PIKFYVE: variants seen among roughly 807,000 people sequenced by gnomAD.
The protein encoded by PIKFYVE is phosphoinositide kinase, FYVE-type zinc finger containing, also known as 1-phosphatidylinositol 3-phosphate 5-kinase.
A neutral mutation model predicts 257.9 loss-of-function variants in PIKFYVE; 122 were observed. That is an observed-to-expected ratio of 0.47 (90% confidence interval 0.41 to 0.55). The LOEUF is 0.55. PIKFYVE is among the 20% of genes least tolerant of loss of function. The probability of loss-of-function intolerance (pLI) is 0.00; values close to 1 mark genes in which losing one functional copy is unlikely to be tolerated. For synonymous variants in PIKFYVE, 892 were observed against 868.9 expected, an observed-to-expected ratio of 1.03 and a Z score of -0.47; for missense variants, 2,160 against 2,536.6, an observed-to-expected ratio of 0.85 and a Z score of 3.19.
intron 12 of PIKFYVE, among the ~76,000 whole-genome samples, chr2:208,306,914 A>C (rs1694393339): frequency 6.6e-6 from 1 of 151,890 alleles, no homozygotes; most frequent in Non-Finnish European, 1.5e-5. Context: ...AGTAGCTGGG[A>C]TTACCAGTGC....
At chr2:208,303,004 C>T (rs1236705672) in intron 10 of PIKFYVE, among the ~76,000 whole-genome samples, 1 of 152,062 alleles carries the variant, frequency 6.6e-6, no homozygotes, top group African/African-American at 2.4e-5. Flanking sequence ...ATGACGTGAA[C>T]CTGGGAGGTG....
chr2:208,298,792 T>C lies in PIKFYVE; in HGVS notation c.1050+13T>C. ...CAAAATTCTTCTGGTACTGGTCCAG[T>C]ATCTTTGACCCATTGCTAGTTTTGA... On this transcript the variant is annotated intron_variant, in intron 8 of 41. Coordinates refer to ENST00000264380, the MANE Select transcript of PIKFYVE (RefSeq NM_015040.4). 6.2e-7 allele frequency: 1 copy of C among 1,613,792 alleles called. No individual in the cohort carries two copies. Among genetic ancestry groups the C allele is most frequent in the Non-Finnish European group, 8.5e-7 (1 of 1,179,738 alleles).
chr2:208,308,120 A>G (rs1447723529), intron 12 of PIKFYVE, among the ~76,000 whole-genome samples: 2 of 152,054 alleles, frequency 1.3e-5, no homozygotes, highest in African/African-American at 2.4e-5. Context: ...TTGTTGGGGC[A>G]GGGTGCAGTG....
chr2:208,308,521 A>G (rs1408343784), intron 12 of PIKFYVE, among the ~76,000 whole-genome samples: 2 of 152,186 alleles, frequency 1.3e-5, no homozygotes, highest in Non-Finnish European at 2.9e-5. Flanking sequence ...GCTGTACAGT[A>G]TATCTCAAAA....
chr2:208,325,616 G>T lies in PIKFYVE; in HGVS notation c.2805G>T (p.Val935=). The change falls in exon 20 of 42, where the codon GTG becomes GTT. Residue 935 remains valine, a synonymous_variant. Coordinates refer to ENST00000264380, the MANE Select transcript of PIKFYVE (RefSeq NM_015040.4). ...GCAGTTTGCTGGAATTGAGGATTGT[G>T]TTTGAGAAGGGTGAGCAGGAAAATA... ...DDSSLLELRI[V]FEKGEQENKN... 1 of 1,614,142 alleles carries T rather than the reference G, an allele frequency of 6.2e-7. No homozygotes were observed. Among genetic ancestry groups the T allele is most frequent in the Non-Finnish European group, 8.5e-7 (1 of 1,180,030 alleles).
At chr2:208,321,915 A>G (rs1559121594) in intron 17 of PIKFYVE, among the ~76,000 whole-genome samples, 1 of 152,112 alleles carries the variant, frequency 6.6e-6, no homozygotes, top group Non-Finnish European at 1.5e-5. Context: ...TTCTATTAGC[A>G]TTATGTTTGA....
chr2:208,324,753 G>A (rs1392057126), intron 18 of PIKFYVE, among the ~76,000 whole-genome samples, 158 bp from the exon 19 acceptor site: 1 of 152,196 alleles, frequency 6.6e-6, no homozygotes, highest in Non-Finnish European at 1.5e-5. Context: ...AAGCAACTAA[G>A]TGTAGAAGAA....
chr2:208,355,701 G>T lies in PIKFYVE; in HGVS notation c.*396G>T. 1 of 157,536 alleles carries T rather than the reference G, an allele frequency of 6.3e-6. No homozygotes were observed. Among genetic ancestry groups the T allele is most frequent in the Non-Finnish European group, 1.4e-5 (1 of 71,132 alleles). The allele number at this position is 157,536 out of a possible 1,614,324, so 9.8% of individuals were successfully genotyped here. Reference sequence around the variant, plus strand: ...ATTTAACATGTTATCTACTTAGAAAGCATTTGTAGAGCTGCTGAATTTGTT... The same window carrying T: ...ATTTAACATGTTATCTACTTAGAAATCATTTGTAGAGCTGCTGAATTTGTT... On this transcript the variant is annotated 3_prime_UTR_variant, in exon 42 of 42. Coordinates refer to ENST00000264380, the MANE Select transcript of PIKFYVE (RefSeq NM_015040.4).
Position 208,352,768 on chromosome 2 carries a change from A to C in PIKFYVE, c.5830A>C (p.Arg1944=). Residue 1944 remains arginine, a synonymous_variant, in exon 39 of 42, where the codon AGA becomes CGA. Transcript: ENST00000264380. ...TGTCATGGAAAATCTTTTCTACGGGAGAAAGATGGCACAGGTAAGGGTATT... is the reference window on the plus strand; with the variant it reads ...TGTCATGGAAAATCTTTTCTACGGGCGAAAGATGGCACAGGTAAGGGTATT... ...LLVMENLFYG[R]KMAQVFDLKG... is the part of the protein sequence containing the mutation. The C allele has an allele frequency of 1.2e-6, 2 of 1,613,442 alleles. No homozygotes were observed. The highest frequency in any genetic ancestry group is 1.7e-6 in the Non-Finnish European group (2 of 1,179,666).
chr2:208,325,560 A>G lies in PIKFYVE; in HGVS notation c.2749A>G (p.Ile917Val), dbSNP rs771830336. Residue 917 changes from isoleucine (I) to valine (V), a missense_variant, in exon 20 of 42, where the codon ATC becomes GTC. By Grantham distance (29) the Ile-to-Val change is conservative. This residue lies in a region of PIKFYVE where 522 missense variants were observed against 514.6 expected (regional missense o/e 1.01). Transcript: ENST00000264380. ...AGGTTCCATCCCCTGGGATCCTGAC[A>G]TCCCTCCTGAGTCTCTGCCCTGTGA... ...GGGSIPWDPDIPPESLPCDDS... is the reference protein window; with the variant it reads ...GGGSIPWDPDVPPESLPCDDS... 5 of 1,614,094 alleles carry G rather than the reference A, an allele frequency of 3.1e-6. No individual in the cohort carries two copies. Among genetic ancestry groups the G allele is most frequent in the Admixed American group, 3.3e-5 (2 of 60,000 alleles).
intron 37 of PIKFYVE, 48 bp from the exon 38 acceptor site, chr2:208,351,304 A>T: frequency 7.8e-7 from 1 of 1,284,002 alleles, no homozygotes; most frequent in Non-Finnish European, 1.1e-6. Context: ...GTTATAGATT[A>T]CAGTATATAT....
At chr2:208,279,369 A>G (rs1043060494) in intron 5 of PIKFYVE, among the ~76,000 whole-genome samples, 3 of 152,128 alleles carry the variant, frequency 2.0e-5, no homozygotes, top group Non-Finnish European at 4.4e-5. Flanking sequence ...CTCTGTTGAT[A>G]GTATCTTTTG....
At chr2:208,279,274 C>T (rs983792072) in intron 5 of PIKFYVE, among the ~76,000 whole-genome samples, 2 of 151,706 alleles carry the variant, frequency 1.3e-5, no homozygotes, top group Non-Finnish European at 2.9e-5. Flanking sequence ...TGTTGAATTA[C>T]GTTTCTTATA....
chr2:208,351,549 G>A (rs1278923396), intron 38 of PIKFYVE, 94 bp downstream of exon 38: 5 of 1,022,122 alleles, frequency 4.9e-6, no homozygotes, highest in Non-Finnish European at 7.7e-6. Context: ...TTGCTATAAA[G>A]AAATACCTGA....
rs757508237 is a variant in PIKFYVE, at chr2:208,324,905, T to G, written c.2332-6T>G. 1 of 1,613,702 alleles carries G rather than the reference T, an allele frequency of 6.2e-7. No individual in the cohort carries two copies. The highest frequency in any genetic ancestry group is 1.1e-5 in the South Asian group (1 of 91,068). On this transcript the variant is annotated splice_region_variant and splice_polypyrimidine_tract_variant and intron_variant, in intron 18 of 41. Coordinates refer to ENST00000264380, the MANE Select transcript of PIKFYVE (RefSeq NM_015040.4). Reference sequence around the variant, plus strand: ...TTTTGTAATACAATGTTTTTCTGTTTTGTAGCAAGTTTTGGAACGAATCAG... The same window carrying G: ...TTTTGTAATACAATGTTTTTCTGTTGTGTAGCAAGTTTTGGAACGAATCAG...
intron 3 of PIKFYVE, 161 bp downstream of exon 3, chr2:208,273,894 T>C: frequency 7.3e-7 from 1 of 1,369,494 alleles, no homozygotes; most frequent in Non-Finnish European, 1.0e-6. Context: ...ATAAAACTCT[T>C]ACCTCGGTAG....
At chr2:208,301,461 T>A (rs374894843) in intron 9 of PIKFYVE, among the ~76,000 whole-genome samples, 1 of 152,214 alleles carries the variant, frequency 6.6e-6, no homozygotes, top group Non-Finnish European at 1.5e-5. Context: ...AAGCTATGCC[T>A]GTCGGGTCCT....
chr2:208,327,877 G>C (rs1697113472), intron 20 of PIKFYVE, among the ~76,000 whole-genome samples: 1 of 152,116 alleles, frequency 6.6e-6, no homozygotes, highest in Non-Finnish European at 1.5e-5. Context: ...TTAAATATGG[G>C]TATATTTAAT....
chr2:208,293,082 C>CTTT (rs60283252), intron 7 of PIKFYVE, among the ~76,000 whole-genome samples: 4 of 137,630 alleles, frequency 2.9e-5, no homozygotes, highest in Admixed American at 7.3e-5. Context: ...GAGTTACATT[C>CTTT]TTTTTTTTTT....
Sources: gnomAD v4.1 joint callset for allele counts (sites outside exome capture counted in the v4.1 genomes callset) on GRCh38, gnomAD v4.1.1 for gene constraint, gnomAD v4.1.1 regional missense constraint, MANE v1.5 for transcripts, NCBI Gene and HGNC (gene_info 2026-07-23, HGNC 2026-07-21) for gene names.